Variants in PPP2R2B observed in about 807,000 individuals in gnomAD.
PPP2R2B encodes serine/threonine-protein phosphatase 2A 55 kDa regulatory subunit B beta isoform.
PPP2R2B carries 5 observed loss-of-function variants against 46.0 expected under a neutral mutation model. The ratio of observed to expected loss-of-function variants is 0.11; its 90% confidence interval spans 0.06 to 0.23. PPP2R2B has a LOEUF of 0.23. Ranked by LOEUF, PPP2R2B falls within the 10% of genes least tolerant of loss-of-function variation. PPP2R2B has a pLI of 1.00. For missense variants in PPP2R2B, 367 were observed against 575.0 expected (o/e 0.64, Z 3.70); for synonymous variants, 215 against 206.7 (o/e 1.04, Z -0.34).
chr5:146,996,762 A>G (rs1375125271), intron 1 of PPP2R2B, among the ~76,000 whole-genome samples: 1 of 152,134 alleles, frequency 6.6e-6, no homozygotes, highest in Admixed American at 6.5e-5. Flanking sequence ...GAGGTTTCCA[A>G]TATGGGGCCC....
intron 2 of PPP2R2B, among the ~76,000 whole-genome samples, chr5:147,077,721 A>G (rs1023592327): frequency 5.9e-5 from 9 of 152,068 alleles, no homozygotes; most frequent in African/African-American, 1.9e-4. Context: ...TTTGTGACCA[A>G]CCTAATTCTT....
intron 2 of PPP2R2B, among the ~76,000 whole-genome samples, chr5:146,760,609 G>T (rs903644053): frequency 6.6e-6 from 1 of 152,178 alleles, no homozygotes; most frequent in African/African-American, 2.4e-5. Context: ...AAGAGACTGA[G>T]GAGCTGCAAG....
chr5:146,923,515 T>C (rs1039652329), intron 1 of PPP2R2B, among the ~76,000 whole-genome samples: 1 of 152,228 alleles, frequency 6.6e-6, no homozygotes, highest in African/African-American at 2.4e-5. Context: ...TTGGCATTCC[T>C]AATAAACAGA....
intron 1 of PPP2R2B, among the ~76,000 whole-genome samples, chr5:146,998,732 G>T (rs929220988): frequency 2.0e-5 from 3 of 152,132 alleles, no homozygotes; most frequent in Non-Finnish European, 2.9e-5. Context: ...TCTTTCAAAA[G>T]AAATTAACCA....
At chr5:146,818,970 T>C (rs1758096135) in intron 2 of PPP2R2B, among the ~76,000 whole-genome samples, 1 of 152,194 alleles carries the variant, frequency 6.6e-6, no homozygotes, top group African/African-American at 2.4e-5. Context: ...ATTATGCCTC[T>C]TTCCCCTACC....
chr5:146,881,398 A>C (rs1002258002), upstream of PPP2R2B, among the ~76,000 whole-genome samples: 8 of 148,664 alleles, frequency 5.4e-5, no homozygotes, highest in African/African-American at 9.9e-5. Flanking sequence ...TTTTATTTTT[A>C]TTTTCTTTTT....
At chr5:146,934,583 G>GAAAAAAA (rs3062352) in intron 1 of PPP2R2B, among the ~76,000 whole-genome samples, 9 of 31,496 alleles carry the variant, frequency 2.9e-4, no homozygotes, top group Admixed American at 3.7e-4. Context: ...TTTTTCATAA[G>GAAAAAAA]AAAAAAAAAA....
At chr5:146,623,490 T>C (rs1024979696) in intron 7 of PPP2R2B, among the ~76,000 whole-genome samples, 1 of 152,242 alleles carries the variant, frequency 6.6e-6, no homozygotes, top group Non-Finnish European at 1.5e-5. Context: ...TTGTTAACAC[T>C]TATTGACCAA....
intron 4 of PPP2R2B, among the ~76,000 whole-genome samples, chr5:146,691,708 C>A (rs2151153847): frequency 6.6e-6 from 1 of 152,242 alleles, no homozygotes; most frequent in African/African-American, 2.4e-5. Flanking sequence ...GACCTGCCCT[C>A]TCCACTTTCT....
chr5:146,686,051 C>T (rs186058498), intron 5 of PPP2R2B, among the ~76,000 whole-genome samples: 123 of 152,254 alleles, frequency 8.1e-4, no homozygotes, highest in South Asian at 4.6e-3. Context: ...TGGAGTCATG[C>T]GGACTAGGTT....
At chr5:146,712,205 G>A (rs977830012) in intron 2 of PPP2R2B, among the ~76,000 whole-genome samples, 20 of 152,172 alleles carry the variant, frequency 1.3e-4, no homozygotes, top group African/African-American at 3.1e-4. Context: ...AGAAACAAGC[G>A]TGCCAGTTAT....
chr5:146,944,781 T>C (rs764502617), intron 1 of PPP2R2B, among the ~76,000 whole-genome samples: 1 of 152,086 alleles, frequency 6.6e-6, no homozygotes, highest in Non-Finnish European at 1.5e-5. Context: ...TAAAACAATT[T>C]ATTAAAGGTA....
chr5:146,758,483 A>G (rs1257522027), intron 2 of PPP2R2B, among the ~76,000 whole-genome samples: 2 of 152,200 alleles, frequency 1.3e-5, no homozygotes, highest in Admixed American at 6.5e-5. Flanking sequence ...CACTATCATG[A>G]TGAAATAACA....
chr5:147,023,956 G>A (rs1158926959), intron 1 of PPP2R2B, among the ~76,000 whole-genome samples: 1 of 152,156 alleles, frequency 6.6e-6, no homozygotes, highest in Non-Finnish European at 1.5e-5. Flanking sequence ...TTACACCAAT[G>A]CCCCACAGGC....
intron 2 of PPP2R2B, among the ~76,000 whole-genome samples, chr5:146,793,830 T>C (rs1185035971): frequency 2.0e-5 from 3 of 152,208 alleles, no homozygotes; most frequent in African/African-American, 4.8e-5. Context: ...AGGGTTATAC[T>C]GAGCTGCAAC....
intron 5 of PPP2R2B, among the ~76,000 whole-genome samples, chr5:146,680,621 T>C (rs1444505931): frequency 6.6e-6 from 1 of 152,118 alleles, no homozygotes; most frequent in Non-Finnish European, 1.5e-5. Flanking sequence ...AGTAAATAAA[T>C]TTGCTTAACT....
At chr5:147,063,153 CA>C (rs1356682189) in intron 2 of PPP2R2B, among the ~76,000 whole-genome samples, 3 of 151,566 alleles carry the variant, frequency 2.0e-5, no homozygotes, top group Admixed American at 1.3e-4. Flanking sequence ...ACAGAAGGGC[CA>C]AAAGAGATGC....
chr5:146,735,197 G>A (rs1391549033), intron 2 of PPP2R2B, among the ~76,000 whole-genome samples: 1 of 152,146 alleles, frequency 6.6e-6, no homozygotes, highest in Non-Finnish European at 1.5e-5. Context: ...TAAATAACAG[G>A]TAAAATCAGG....
intron 1 of PPP2R2B, among the ~76,000 whole-genome samples, chr5:146,971,290 A>T (rs1471967278): frequency 1.3e-5 from 2 of 152,174 alleles, no homozygotes; most frequent in Non-Finnish European, 2.9e-5. Flanking sequence ...GAGACAGATG[A>T]TATTTTCCAG....
Sources: gnomAD v4.1 joint callset for allele counts (sites outside exome capture counted in the v4.1 genomes callset) on GRCh38, gnomAD v4.1.1 for gene constraint, MANE v1.5 for transcripts, NCBI Gene and HGNC (gene_info 2026-07-23, HGNC 2026-07-21) for gene names.